The following BCKDHB variants were observed in gnomAD, a reference collection of about 807,000 sequenced individuals.
BCKDHB encodes the protein branched chain keto acid dehydrogenase E1 subunit beta.
In BCKDHB, 41 loss-of-function variants were observed where a neutral mutation model predicts 48.5. The ratio of observed to expected loss-of-function variants is 0.85; its 90% CI spans 0.66 to 1.10. The LOEUF (loss-of-function observed/expected upper bound fraction) is 1.10. Among genes scored for constraint, BCKDHB ranks in the 50% least tolerant of loss-of-function variants. The probability of loss-of-function intolerance (pLI) is 0.00; values close to 1 mark genes in which losing one functional copy is unlikely to be tolerated. For synonymous variants in BCKDHB, 201 were observed against 174.8 expected, an observed-to-expected ratio of 1.15 and a Z score of -1.18; for missense variants, 496 against 494.2, an observed-to-expected ratio of 1.00 and a Z score of -0.03.
At chr6:80,269,003 A>G (rs544042870) in intron 8 of BCKDHB, among the ~76,000 whole-genome samples, 7 of 152,256 alleles carry the variant, frequency 4.6e-5, no homozygotes, top group Non-Finnish European at 1.0e-4. Context: ...TAAGAATGCA[A>G]TAGCATAAAT....
chr6:80,244,302 C>T (rs1228449740), intron 8 of BCKDHB, among the ~76,000 whole-genome samples: 1 of 152,162 alleles, frequency 6.6e-6, no homozygotes, highest in Non-Finnish European at 1.5e-5. Flanking sequence ...ACAGCACAAC[C>T]TGACTAGAAG....
rs893208282 is a variant in BCKDHB, at chr6:80,107,063, A to G, written c.196+174A>G. 4.6e-5 allele frequency among the ~76,000 whole-genome samples: 7 copies of G among 151,596 alleles called. No homozygotes were observed. The South Asian group carries it at 6.2e-4, about 14-fold the overall frequency. ...CTAACTGTGGTTCACTTCTTGCTCT[A>G]TTTTTGTGACTGTTCAGCCCTCGAG... On this transcript the variant is annotated intron_variant, in intron 1 of 9. Transcript: ENST00000320393.
At chr6:80,444,672 A>G in the BCKDHB span, among the ~76,000 whole-genome samples, 1 of 152,200 alleles carries the variant, frequency 6.6e-6, no homozygotes, top group Non-Finnish European at 1.5e-5. Context: ...GAATTCAACA[A>G]CTTATTACTA....
intron 1 of BCKDHB, among the ~76,000 whole-genome samples, chr6:80,109,301 C>A (rs922337359): frequency 1.3e-5 from 2 of 152,184 alleles, no homozygotes; most frequent in African/African-American, 4.8e-5. Context: ...TGTTTGACAA[C>A]TGAGAATCAA....
At chr6:80,146,730 A>G (rs1771507021) in intron 3 of BCKDHB, among the ~76,000 whole-genome samples, 1 of 152,182 alleles carries the variant, frequency 6.6e-6, no homozygotes, top group African/African-American at 2.4e-5. Flanking sequence ...GGATGAATGG[A>G]GTGGGGCTTT....
intron 8 of BCKDHB, among the ~76,000 whole-genome samples, chr6:80,261,675 TCC>T (rs1189045545): frequency 6.6e-6 from 1 of 152,102 alleles, no homozygotes; most frequent in African/African-American, 2.4e-5. Flanking sequence ...TTCATCTGTA[TCC>T]TTTCTTACCC....
At chr6:80,432,564 A>G in the BCKDHB span, among the ~76,000 whole-genome samples, 1 of 152,014 alleles carries the variant, frequency 6.6e-6, no homozygotes, top group Non-Finnish European at 1.5e-5. Flanking sequence ...TGGTTATTCT[A>G]GTTAGCAATT....
At chr6:80,419,462 C>G in the BCKDHB span, among the ~76,000 whole-genome samples, 1 of 152,242 alleles carries the variant, frequency 6.6e-6, no homozygotes, top group African/African-American at 2.4e-5. Context: ...CAAGGCCACC[C>G]TGCAGAGTTC....
At chr6:80,259,554 A>G (rs905587574) in intron 8 of BCKDHB, among the ~76,000 whole-genome samples, 1 of 152,190 alleles carries the variant, frequency 6.6e-6, no homozygotes, top group Non-Finnish European at 1.5e-5. Context: ...TTTATAGGTC[A>G]TACAATTTTA....
chr6:80,431,411 C>T, the BCKDHB span, among the ~76,000 whole-genome samples: 2 of 152,050 alleles, frequency 1.3e-5, no homozygotes, highest in Admixed American at 1.3e-4. Flanking sequence ...TCTAATATTG[C>T]CAGAGGGGTG....
At chr6:80,465,472 C>T in the BCKDHB span, among the ~76,000 whole-genome samples, 2 of 152,192 alleles carry the variant, frequency 1.3e-5, no homozygotes, top group African/African-American at 2.4e-5. Context: ...CAGCACAAGT[C>T]TAAAATCAAA....
intron 3 of BCKDHB, among the ~76,000 whole-genome samples, chr6:80,147,637 G>T (rs533737382): frequency 6.6e-6 from 1 of 152,136 alleles, no homozygotes; most frequent in African/African-American, 2.4e-5. Context: ...GAGTCCAGGC[G>T]TTGTGACCTT....
In BCKDHB at chr6:80,345,123, C is replaced by A. The variant is rs1010979536; in HGVS notation, c.*1319C>A. ...TTTTCTAAGTAATGCTTATCAGCCC[C>A]TTCAGTGGTGTTATTCTAACAAAAT... is the stretch of plus-strand genomic sequence containing the variant. On this transcript the variant is annotated 3_prime_UTR_variant, in exon 10 of 10. Coordinates refer to ENST00000320393, the MANE Select transcript of BCKDHB (RefSeq NM_183050.4). 1.1e-4 allele frequency: 17 copies of A among 152,126 alleles called. No individual in the cohort carries two copies. Among genetic ancestry groups the A allele is most frequent in the African/African-American group, 3.9e-4 (16 of 41,426 alleles). The allele number at this position is 152,126 out of a possible 1,614,324, so 9.4% of individuals were successfully genotyped here.
chr6:80,151,185 T>C (rs1771757021), intron 3 of BCKDHB, among the ~76,000 whole-genome samples: 1 of 152,192 alleles, frequency 6.6e-6, no homozygotes, highest in Non-Finnish European at 1.5e-5. Flanking sequence ...TTTTGATACA[T>C]CTTATTGATG....
At chr6:80,422,697 T>C in the BCKDHB span, among the ~76,000 whole-genome samples, 1 of 152,214 alleles carries the variant, frequency 6.6e-6, no homozygotes, top group African/African-American at 2.4e-5. Context: ...TAAGATTTAA[T>C]GAGTGCCCTG....
At chr6:80,450,249 GT>G in the BCKDHB span, among the ~76,000 whole-genome samples, 1 of 152,152 alleles carries the variant, frequency 6.6e-6, no homozygotes, top group Admixed American at 6.5e-5. Flanking sequence ...AAGTGTAAAA[GT>G]AAAAGTACTT....
intron 1 of BCKDHB, among the ~76,000 whole-genome samples, chr6:80,121,533 T>G (rs1770017074): frequency 1.3e-5 from 2 of 152,238 alleles, no homozygotes; most frequent in South Asian, 4.1e-4. Flanking sequence ...CCTCTTTTAT[T>G]TTGTTGAGCA....
intron 6 of BCKDHB, among the ~76,000 whole-genome samples, chr6:80,194,568 G>A (rs1774049667): frequency 6.6e-6 from 1 of 152,098 alleles, no homozygotes; most frequent in Non-Finnish European, 1.5e-5. Flanking sequence ...CGCCACATTT[G>A]GTCAGCTCTT....
chr6:80,224,283 A>G (rs917505360), intron 8 of BCKDHB, among the ~76,000 whole-genome samples: 2 of 152,184 alleles, frequency 1.3e-5, no homozygotes, highest in South Asian at 2.1e-4. Context: ...TAATAAACTG[A>G]TGAAATAACC....
Sources: gnomAD v4.1 joint callset for allele counts (sites outside exome capture counted in the v4.1 genomes callset) on GRCh38, gnomAD v4.1.1 for gene constraint, MANE v1.5 for transcripts, NCBI Gene and HGNC (gene_info 2026-07-23, HGNC 2026-07-21) for gene names.